Variants in TENM3 observed in about 807,000 individuals in gnomAD.
TENM3 encodes the protein teneurin transmembrane protein 3, also known as teneurin-3.
TENM3 carries 63 observed loss-of-function variants against 255.1 expected under a neutral mutation model. The ratio of observed to expected loss-of-function variants is 0.25; its 90% CI spans 0.20 to 0.30. TENM3 has a LOEUF of 0.30. Among genes scored for constraint, TENM3 ranks in the 10% least tolerant of loss-of-function variants. TENM3 has a pLI of 1.00. For synonymous variants in TENM3, 1,306 were observed against 1,322.3 expected (o/e 0.99, Z 0.27); for missense variants, 2,929 against 3,461.1 (o/e 0.85, Z 3.86).
the TENM3 span, among the ~76,000 whole-genome samples, chr4:181,498,010 G>A: frequency 1.3e-5 from 2 of 152,076 alleles, no homozygotes; most frequent in African/African-American, 2.4e-5. Context: ...TCTCTTTCCT[G>A]GTCAAAGTTT....
At chr4:182,326,723 T>A (rs904448883) in intron 2 of TENM3, among the ~76,000 whole-genome samples, 14 of 151,892 alleles carry the variant, frequency 9.2e-5, no homozygotes, top group African/African-American at 3.1e-4. Flanking sequence ...ACATTTTTTT[T>A]AATAGAGACA....
chr4:181,585,253 C>T, the TENM3 span, among the ~76,000 whole-genome samples: 1 of 152,142 alleles, frequency 6.6e-6, no homozygotes. Context: ...TTACAGTTCT[C>T]AACAATATGA....
At chr4:181,595,444 A>ACAAAAAAAAAAC in the TENM3 span, among the ~76,000 whole-genome samples, 2 of 129,530 alleles carry the variant, frequency 1.5e-5, no homozygotes, top group African/African-American at 5.7e-5. Flanking sequence ...AAAAAAAAAA[A>ACAAAAAAAAAAC]AAAAAAAAAA....
At chr4:181,455,194 T>C in the TENM3 span, among the ~76,000 whole-genome samples, 1 of 152,096 alleles carries the variant, frequency 6.6e-6, no homozygotes, top group African/African-American at 2.4e-5. Context: ...AAGTACTAGG[T>C]ATAGCAAACC....
At chr4:182,335,357 CG>C (rs1450449179) in intron 2 of TENM3, among the ~76,000 whole-genome samples, 1 of 142,336 alleles carries the variant, frequency 7.0e-6, no homozygotes, top group Non-Finnish European at 1.5e-5. Context: ...TAGCCGGGCG[CG>C]GTGGCAGGCG....
At chr4:181,483,894 C>T in the TENM3 span, among the ~76,000 whole-genome samples, 1 of 152,118 alleles carries the variant, frequency 6.6e-6, no homozygotes, top group African/African-American at 2.4e-5. Context: ...TCTCTGTAGT[C>T]AAAACTTGCC....
intron 3 of TENM3, among the ~76,000 whole-genome samples, chr4:182,440,114 C>CTTTT (rs5864784): frequency 8.7e-5 from 11 of 126,758 alleles, no homozygotes; most frequent in South Asian, 5.1e-4. Context: ...TGGTGGGCAC[C>CTTTT]TTTTTTTTTT....
At chr4:182,056,320 A>C in the TENM3 span, among the ~76,000 whole-genome samples, 9 of 152,268 alleles carry the variant, frequency 5.9e-5, no homozygotes, top group East Asian at 1.7e-3. Context: ...ATTTGATGAA[A>C]ATGTCTTCCC....
At chr4:182,050,669 C>T in the TENM3 span, among the ~76,000 whole-genome samples, 7 of 152,004 alleles carry the variant, frequency 4.6e-5, no homozygotes, top group East Asian at 1.9e-4. Context: ...CCAGGCATGG[C>T]GGTGCACACC....
the TENM3 span, among the ~76,000 whole-genome samples, chr4:182,122,947 C>T: frequency 5.9e-5 from 9 of 152,292 alleles, no homozygotes; most frequent in African/African-American, 1.4e-4. Flanking sequence ...GCAGCTTCTC[C>T]GTCAGCACTT....
chr4:182,576,219 C>G (rs1407862897), intron 3 of TENM3, among the ~76,000 whole-genome samples: 2 of 152,132 alleles, frequency 1.3e-5, no homozygotes, highest in African/African-American at 4.8e-5. Flanking sequence ...TAGTATGTTT[C>G]TTTTTCCTTC....
At chr4:182,543,216 GGGATGCAT>G (rs144128791) in intron 3 of TENM3, among the ~76,000 whole-genome samples, 42,257 of 151,270 alleles carry the variant, frequency 0.28, 6,512 homozygotes, top group Non-Finnish European at 0.34. Flanking sequence ...CAAGGATGGA[GGGATGCAT>G]GGATGCATGG....
At chr4:182,158,543 G>A (rs1416098637) in intron 1 of TENM3, among the ~76,000 whole-genome samples, 1 of 152,198 alleles carries the variant, frequency 6.6e-6, no homozygotes, top group Non-Finnish European at 1.5e-5. Context: ...AGGAGAAAAT[G>A]TTTTCAGTTT....
At chr4:182,776,553 A>G (rs1329054973) in intron 24 of TENM3, among the ~76,000 whole-genome samples, 2 of 152,160 alleles carry the variant, frequency 1.3e-5, no homozygotes, top group Admixed American at 1.3e-4. Flanking sequence ...GAGGAGGGGG[A>G]AATACTTTGT....
the TENM3 span, among the ~76,000 whole-genome samples, chr4:181,500,952 C>A: frequency 1.3e-5 from 2 of 152,146 alleles, no homozygotes; most frequent in Admixed American, 1.3e-4. Flanking sequence ...TTACAGGGAA[C>A]CCCTGCCCCA....
At chr4:181,792,948 T>C in the TENM3 span, among the ~76,000 whole-genome samples, 1 of 152,072 alleles carries the variant, frequency 6.6e-6, no homozygotes, top group South Asian at 2.1e-4. Context: ...GTCATAGCCC[T>C]TGAAGTTATA....
At chr4:182,588,835 G>T (rs1034823570) in intron 3 of TENM3, among the ~76,000 whole-genome samples, 1 of 152,180 alleles carries the variant, frequency 6.6e-6, no homozygotes, top group Non-Finnish European at 1.5e-5. Flanking sequence ...ACTATCAAAA[G>T]ATAGCCATGT....
At chr4:182,719,508 C>T (rs950849976) in intron 13 of TENM3, among the ~76,000 whole-genome samples, 4 of 151,926 alleles carry the variant, frequency 2.6e-5, no homozygotes, top group African/African-American at 9.7e-5. Flanking sequence ...ATCCGCCCCC[C>T]TCGGCCTCCC....
At chr4:181,671,388 T>C in the TENM3 span, among the ~76,000 whole-genome samples, 46,768 of 152,020 alleles carry the variant, frequency 0.31, 7,581 homozygotes, top group Non-Finnish European at 0.36. Context: ...AAGTTTCAGA[T>C]CATCTGGATC....
Sources: allele counts gnomAD v4.1 joint callset (sites outside exome capture counted in the v4.1 genomes callset), GRCh38; gene constraint gnomAD v4.1.1; transcripts MANE v1.5; gene names NCBI Gene and HGNC (gene_info 2026-07-23, HGNC 2026-07-21).